The following MARCHF5 variants were observed in gnomAD, a reference collection of about 807,000 sequenced individuals.
MARCHF5 encodes the protein E3 ubiquitin-protein ligase MARCHF5.
MARCHF5 carries 5 observed loss-of-function variants against 36.5 expected under a neutral mutation model. That is an observed-to-expected ratio of 0.14 (90% CI 0.07 to 0.29). The LOEUF (loss-of-function observed/expected upper bound fraction) is 0.29, where lower values mean the gene tolerates loss of function less well. MARCHF5 is among the 10% of genes least tolerant of loss of function. MARCHF5 has a pLI of 1.00. For missense variants in MARCHF5, 179 were observed against 336.3 expected (o/e 0.53, Z 3.66); for synonymous variants, 103 against 109.9 (o/e 0.94, Z 0.39).
In MARCHF5 at chr10:92,352,563, T is replaced by C. The variant is rs559162832; in HGVS notation, c.*1356T>C. The stretch of plus-strand genomic sequence containing the variant: ...AGAGATATTTTCAAAACCCTATTTA[T>C]TTTCTTGTTCACAGTAATGCATGTC... On this transcript the variant is annotated 3_prime_UTR_variant, in exon 6 of 6. Coordinates refer to ENST00000358935, the MANE Select transcript of MARCHF5 (RefSeq NM_017824.5). The C allele has an allele frequency of 3.3e-5, 5 of 152,358 alleles. No homozygotes were observed. Among genetic ancestry groups the C allele is most frequent in the African/African-American group, 1.2e-4 (5 of 41,588 alleles). 9.4% of individuals were successfully genotyped at this position (152,358 alleles called of 1,614,324 possible). A position where few individuals can be genotyped will look rare whatever the true frequency, so the allele number is the denominator to read the frequency against.
intron 2 of MARCHF5, among the ~76,000 whole-genome samples, chr10:92,326,736 C>T (rs1196447192): frequency 1.3e-5 from 2 of 150,494 alleles, no homozygotes; most frequent in Non-Finnish European, 3.0e-5. Flanking sequence ...AAAGGAATAG[C>T]AAATACATCA....
chr10:92,340,209 A>G (rs552151491), intron 2 of MARCHF5, among the ~76,000 whole-genome samples: 3 of 152,260 alleles, frequency 2.0e-5, no homozygotes, highest in South Asian at 2.1e-4. Context: ...TGAGAGGACT[A>G]TTTCCTTTAT....
chr10:92,310,980 A>C (rs1481018558), intron 1 of MARCHF5, among the ~76,000 whole-genome samples, 155 bp from the exon 2 acceptor site: 1 of 152,196 alleles, frequency 6.6e-6, no homozygotes, highest in East Asian at 1.9e-4. Context: ...TCTAGTGGGA[A>C]TGTATTGGTT....
At chr10:92,307,230 C>T (rs1015467204) in intron 1 of MARCHF5, among the ~76,000 whole-genome samples, 1 of 149,838 alleles carries the variant, frequency 6.7e-6, no homozygotes, top group Non-Finnish European at 1.5e-5. Flanking sequence ...CATGCACGCA[C>T]GTGCCCTCCC....
chr10:92,303,526 G>GT (rs1356562857), intron 1 of MARCHF5, among the ~76,000 whole-genome samples: 4 of 152,054 alleles, frequency 2.6e-5, no homozygotes, highest in East Asian at 1.9e-4. Flanking sequence ...TGGTATAGTG[G>GT]TTTTTTTGTG....
chr10:92,300,457 C>G (rs117994506), intron 1 of MARCHF5, among the ~76,000 whole-genome samples: 17,257 of 151,754 alleles, frequency 0.11, 1,270 homozygotes, highest in Middle Eastern at 0.19. Flanking sequence ...TGCACCATGC[C>G]ACTGCACTCC....
chr10:92,313,509 G>A (rs748079748), intron 2 of MARCHF5, among the ~76,000 whole-genome samples: 7 of 151,918 alleles, frequency 4.6e-5, no homozygotes, highest in South Asian at 2.1e-4. Context: ...GGAGGCTGAG[G>A]CAGGAGAATG....
chr10:92,301,219 A>G (rs1843007893), intron 1 of MARCHF5, among the ~76,000 whole-genome samples: 2 of 152,294 alleles, frequency 1.3e-5, no homozygotes, highest in South Asian at 2.1e-4. Flanking sequence ...CGTAGTTCAC[A>G]TAGATGACAA....
In MARCHF5 at chr10:92,318,641, GA is replaced by G. The variant is rs369470158; in HGVS notation, c.238+7316del. Among the ~76,000 whole-genome samples the G allele has an allele frequency of 1.8e-3, 255 of 140,286 alleles. 3 individuals carry two copies. Among genetic ancestry groups the G allele is most frequent in the African/African-American group, 5.9e-3 (226 of 38,116 alleles). 92.0% of individuals were successfully genotyped at this position (140,286 alleles called of 152,430 possible). A position where few individuals can be genotyped will look rare whatever the true frequency, so the allele number is the denominator to read the frequency against. On this transcript the variant is annotated intron_variant, in intron 2 of 5. Transcript: ENST00000358935. ...ACAATAAAGGGAGAGAGAAAGAACG[GA>G]AAAAAAAAAAACAGACATCCTTATC...
At chr10:92,319,598 C>CT (rs1843263271) in intron 2 of MARCHF5, among the ~76,000 whole-genome samples, 1 of 147,994 alleles carries the variant, frequency 6.8e-6, no homozygotes, top group Non-Finnish European at 1.5e-5. Context: ...CCGGCCTCTA[C>CT]TTTACTTTTT....
At chr10:92,293,233 G>C (rs1304023741) in intron 1 of MARCHF5, among the ~76,000 whole-genome samples, 1 of 151,982 alleles carries the variant, frequency 6.6e-6, no homozygotes, top group African/African-American at 2.4e-5. Context: ...AGCCTCCCTA[G>C]TAGCTGGGAC....
chr10:92,311,015 A>G, intron 1 of MARCHF5, 120 bp from the exon 2 acceptor site: 1 of 693,930 alleles, frequency 1.4e-6, no homozygotes. Context: ...GTCTTTTAAT[A>G]TAGGACAGAG....
Position 92,349,712 on chromosome 10 carries a change from C to T in MARCHF5, c.595C>T (p.Pro199Ser). 1 of 1,614,154 alleles carries T rather than the reference C, an allele frequency of 6.2e-7. No individual in the cohort carries two copies. The highest frequency in any genetic ancestry group is 8.5e-7 in the Non-Finnish European group (1 of 1,180,028). Residue 199 changes from proline (P) to serine (S), a missense_variant, in exon 5 of 6, where the codon CCT (proline) becomes TCT (serine). Pro to Ser is a moderately conservative substitution (Grantham distance 74, BLOSUM62 -1). Transcript: ENST00000358935. Reference protein sequence around the residue: ...PVPRIPAEANPLADHVSATRI... With the variant: ...PVPRIPAEANSLADHVSATRI... ...TCCTCGAATTCCAGCTGAGGCCAAT[C>T]CTTTAGCAGATCATGTCTCTGCTAC...
chr10:92,345,894 C>T (rs984411506), intron 3 of MARCHF5, among the ~76,000 whole-genome samples: 1 of 151,896 alleles, frequency 6.6e-6, no homozygotes, highest in Non-Finnish European at 1.5e-5. Flanking sequence ...AGGGTTTCAC[C>T]ATGTTGCCCA....
intron 3 of MARCHF5, among the ~76,000 whole-genome samples, chr10:92,344,897 A>C (rs1253517879): frequency 6.6e-6 from 1 of 152,140 alleles, no homozygotes; most frequent in Non-Finnish European, 1.5e-5. Flanking sequence ...CCCTTGCAAC[A>C]ATTTTATGAC....
intron 2 of MARCHF5, among the ~76,000 whole-genome samples, chr10:92,340,432 T>G (rs1420539345): frequency 6.6e-6 from 1 of 152,128 alleles, no homozygotes; most frequent in African/African-American, 2.4e-5. Context: ...TTAGGCTGAG[T>G]GTAGTAGCTC....
intron 1 of MARCHF5, among the ~76,000 whole-genome samples, chr10:92,310,570 T>A (rs573191437): frequency 2.8e-4 from 43 of 152,322 alleles, no homozygotes; most frequent in African/African-American, 9.9e-4. Flanking sequence ...AAAATCTTGA[T>A]ATATTTATCT....
chr10:92,307,865 T>C (rs972352781), intron 1 of MARCHF5, among the ~76,000 whole-genome samples: 1 of 151,806 alleles, frequency 6.6e-6, no homozygotes, highest in African/African-American at 2.4e-5. Flanking sequence ...GAGCAAGACT[T>C]TGGGCTGCTG....
At chr10:92,291,883 G>A (rs1049297241) in intron 1 of MARCHF5, among the ~76,000 whole-genome samples, 2 of 152,126 alleles carry the variant, frequency 1.3e-5, no homozygotes, top group Non-Finnish European at 2.9e-5. Context: ...GATGTCACTG[G>A]CAAGAACCGG....
Sources: allele counts gnomAD v4.1 joint callset (sites outside exome capture counted in the v4.1 genomes callset), GRCh38; gene constraint gnomAD v4.1.1; transcripts MANE v1.5; gene names NCBI Gene and HGNC (gene_info 2026-07-23, HGNC 2026-07-21).